The following PLEKHA7 variants were observed in gnomAD, a reference collection of about 807,000 sequenced individuals.
The protein encoded by PLEKHA7 is pleckstrin homology domain containing A7, also known as pleckstrin homology domain-containing family A member 7.
PLEKHA7 carries 104 observed loss-of-function variants against 170.0 expected under a neutral mutation model. The ratio of observed to expected loss-of-function variants is 0.61; its 90% CI spans 0.52 to 0.72. The LOEUF (loss-of-function observed/expected upper bound fraction) is 0.72, where lower values mean the gene tolerates loss of function less well. PLEKHA7 is among the 30% of genes least tolerant of loss of function. The pLI, the probability that PLEKHA7 is intolerant of heterozygous loss-of-function variation, is 0.00. For synonymous variants in PLEKHA7, 648 were observed against 660.8 expected, an observed-to-expected ratio of 0.98 and a Z score of 0.30; for missense variants, 1,615 against 1,671.7, an observed-to-expected ratio of 0.97 and a Z score of 0.59.
chr11:16,818,065 C>T (rs945849099), intron 10 of PLEKHA7, among the ~76,000 whole-genome samples: 1 of 129,770 alleles, frequency 7.7e-6, no homozygotes, highest in African/African-American at 2.7e-5. Context: ...ATCTCAGGGT[C>T]ACCCCTACAC....
rs1704974804 is a variant in PLEKHA7, at chr11:16,777,711, GTCAAA to G, written c.*1282_*1286del. 1 of 152,250 alleles carries G rather than the reference GTCAAA, an allele frequency of 6.6e-6. No homozygotes were observed. The highest frequency in any genetic ancestry group is 6.5e-5 in the Admixed American group (1 of 15,280). 9.4% of individuals were successfully genotyped at this position (152,250 alleles called of 1,614,324 possible). ...CCCCCCTCCTCATGTGGGGCTGGAA[GTCAAA>G]TCAAAGTCCTGCCATTATGGCCCTG... On this transcript the variant is annotated 3_prime_UTR_variant, in exon 27 of 27. Transcript: ENST00000531066.
intron 13 of PLEKHA7, among the ~76,000 whole-genome samples, chr11:16,811,078 C>T (rs529620295): frequency 1.5e-4 from 23 of 152,288 alleles, no homozygotes; most frequent in East Asian, 5.8e-4. Context: ...TCTGCTGTGC[C>T]ATTCTGTGGC....
At chr11:16,997,398 C>T (rs1864404338) in intron 3 of PLEKHA7, among the ~76,000 whole-genome samples, 1 of 152,162 alleles carries the variant, frequency 6.6e-6, no homozygotes, top group African/African-American at 2.4e-5. Flanking sequence ...AGCCCATTTT[C>T]CCAATATTCT....
At chr11:16,829,831 A>G (rs754686034) in intron 9 of PLEKHA7, among the ~76,000 whole-genome samples, 18 of 150,814 alleles carry the variant, frequency 1.2e-4, no homozygotes, top group Non-Finnish European at 2.5e-4. Context: ...CTGTTCCACA[A>G]TGTACATATG....
intron 3 of PLEKHA7, among the ~76,000 whole-genome samples, chr11:16,978,680 T>G (rs1355335286): frequency 1.3e-5 from 2 of 152,174 alleles, no homozygotes; most frequent in Non-Finnish European, 2.9e-5. Flanking sequence ...TATAAGCAAG[T>G]TGCAATGAAC....
intron 3 of PLEKHA7, among the ~76,000 whole-genome samples, chr11:16,887,503 C>T (rs371009836): frequency 6.7e-4 from 102 of 152,324 alleles, no homozygotes; most frequent in African/African-American, 2.3e-3. Context: ...GCCTGATTCT[C>T]CTGCCTCAGC....
intron 3 of PLEKHA7, among the ~76,000 whole-genome samples, chr11:16,990,568 A>T (rs746017199): frequency 2.6e-5 from 4 of 152,184 alleles, no homozygotes; most frequent in Non-Finnish European, 5.9e-5. Context: ...TCAGAGCCTT[A>T]ATTTCCCCAT....
intron 3 of PLEKHA7, among the ~76,000 whole-genome samples, chr11:16,959,235 C>T (rs562115929): frequency 1.7e-5 from 2 of 119,896 alleles, no homozygotes; most frequent in East Asian, 2.4e-4. Flanking sequence ...CTCTCTCCCC[C>T]TCAGGTAGAC....
chr11:16,973,435 G>A (rs1341912129), intron 3 of PLEKHA7, among the ~76,000 whole-genome samples: 1 of 152,194 alleles, frequency 6.6e-6, no homozygotes, highest in East Asian at 1.9e-4. Flanking sequence ...CCATGCAACT[G>A]CCTCAAACTC....
intron 3 of PLEKHA7, among the ~76,000 whole-genome samples, chr11:16,878,216 C>G (rs1487999097): frequency 6.6e-6 from 1 of 152,160 alleles, no homozygotes; most frequent in East Asian, 1.9e-4. Context: ...TCCATCTGTA[C>G]AGCTAGCACC....
intron 3 of PLEKHA7, among the ~76,000 whole-genome samples, chr11:17,000,348 C>T (rs578122525): frequency 6.6e-6 from 1 of 152,184 alleles, no homozygotes; most frequent in Non-Finnish European, 1.5e-5. Context: ...CCTGCCTCAG[C>T]CTCCCAAAGT....
At chr11:16,918,069 T>C (rs1858822683) in intron 3 of PLEKHA7, among the ~76,000 whole-genome samples, 1 of 152,212 alleles carries the variant, frequency 6.6e-6, no homozygotes, top group East Asian at 1.9e-4. Flanking sequence ...AAATGCCTAC[T>C]AGTTGATTCT....
intron 3 of PLEKHA7, among the ~76,000 whole-genome samples, chr11:16,959,872 C>A (rs1452814539): frequency 6.6e-6 from 1 of 152,124 alleles, no homozygotes; most frequent in African/African-American, 2.4e-5. Context: ...GTACCTACTT[C>A]CCCCCAGGTA....
intron 3 of PLEKHA7, among the ~76,000 whole-genome samples, chr11:16,979,156 C>G (rs546396874): frequency 6.6e-6 from 1 of 152,078 alleles, no homozygotes; most frequent in Non-Finnish European, 1.5e-5. Context: ...TCCTGCCTCA[C>G]GAGTAGCTGG....
At chr11:16,930,192 T>C (rs1184047634) in intron 3 of PLEKHA7, among the ~76,000 whole-genome samples, 2 of 152,108 alleles carry the variant, frequency 1.3e-5, no homozygotes, top group African/African-American at 4.8e-5. Flanking sequence ...GACAACTCTG[T>C]TGACTTTCTC....
At position 16,783,826 on chromosome 11, in the gene PLEKHA7, T is replaced by C; in HGVS notation, c.3524A>G (p.Lys1175Arg). 6.7e-7 allele frequency: 1 copy of C among 1,490,904 alleles called. No homozygotes were observed. The highest frequency in any genetic ancestry group is 8.9e-7 in the Non-Finnish European group (1 of 1,125,212). 92.4% of individuals were successfully genotyped at this position (1,490,904 alleles called of 1,614,324 possible). ...YDLDISRELS[K>R]PEKVSIPERY... ...CTCAGGGATTGACACCTTCTCTGGTTTGGACAGCTGGGGAGAGGCCAGGAG... is the reference window on the plus strand; with the variant it reads ...CTCAGGGATTGACACCTTCTCTGGTCTGGACAGCTGGGGAGAGGCCAGGAG... The change falls in exon 25 of 27, where the codon AAA (lysine) becomes AGA (arginine). Residue 1175 changes from lysine (K) to arginine (R), a missense_variant. Coordinates refer to ENST00000531066, the MANE Select transcript of PLEKHA7 (RefSeq NM_001329630.2).
At chr11:16,915,496 A>G (rs527514589) in intron 3 of PLEKHA7, among the ~76,000 whole-genome samples, 195 of 143,936 alleles carry the variant, frequency 1.4e-3, no homozygotes, top group Non-Finnish European at 2.1e-3. Context: ...ATATCTCCCA[A>G]TGCTATCCCT....
intron 3 of PLEKHA7, among the ~76,000 whole-genome samples, chr11:16,876,082 C>T (rs1249677828): frequency 6.6e-6 from 1 of 152,116 alleles, no homozygotes; most frequent in Non-Finnish European, 1.5e-5. Context: ...ATTGCAAAGT[C>T]CTCTGGCTTT....
intron 3 of PLEKHA7, among the ~76,000 whole-genome samples, chr11:17,000,100 T>A (rs1365556884): frequency 6.6e-6 from 1 of 152,194 alleles, no homozygotes; most frequent in Non-Finnish European, 1.5e-5. Flanking sequence ...TTTTGTTTTT[T>A]TGAGACAGAG....
Sources: gnomAD v4.1 joint callset for allele counts (sites outside exome capture counted in the v4.1 genomes callset) on GRCh38, gnomAD v4.1.1 for gene constraint, MANE v1.5 for transcripts, NCBI Gene and HGNC (gene_info 2026-07-23, HGNC 2026-07-21) for gene names.